Variants in RAB38 observed in about 807,000 individuals in gnomAD.
RAB38 encodes the protein ras-related protein Rab-38.
A neutral mutation model predicts 18.4 loss-of-function variants in RAB38; 15 were observed. The ratio of observed to expected loss-of-function variants is 0.82; its 90% CI spans 0.55 to 1.26. RAB38 has a LOEUF of 1.26. Among genes scored for constraint, RAB38 ranks in the 50% most tolerant of loss-of-function variants. The probability of loss-of-function intolerance (pLI) is 0.00; values close to 1 mark genes in which losing one functional copy is unlikely to be tolerated. For missense variants in RAB38, 294 were observed against 267.4 expected, an observed-to-expected ratio of 1.10 and a Z score of -0.69; for synonymous variants, 101 against 104.4, an observed-to-expected ratio of 0.97 and a Z score of 0.20.
chr11:87,810,931 C>T, the RAB38 span, among the ~76,000 whole-genome samples: 3 of 151,980 alleles, frequency 2.0e-5, no homozygotes, highest in South Asian at 4.2e-4. Flanking sequence ...GAGATTGAGG[C>T]GAGTTTCAGA....
the RAB38 span, among the ~76,000 whole-genome samples, chr11:88,102,832 G>A: frequency 0.1 from 15,298 of 151,946 alleles, 1,250 homozygotes; most frequent in East Asian, 0.4. Context: ...TACCTAACAA[G>A]CATTTACAGC....
the RAB38 span, among the ~76,000 whole-genome samples, chr11:87,876,612 A>G: frequency 6.6e-6 from 1 of 151,472 alleles, no homozygotes; most frequent in Non-Finnish European, 1.5e-5. Context: ...GCCTAGTTTG[A>G]GTCTATGTCT....
At chr11:88,136,919 T>C (rs1413264163) in intron 2 of RAB38, among the ~76,000 whole-genome samples, 1 of 152,222 alleles carries the variant, frequency 6.6e-6, no homozygotes, top group Non-Finnish European at 1.5e-5. Context: ...TTCTGGTTTA[T>C]CTTCTGAATA....
chr11:87,953,303 A>G, the RAB38 span, among the ~76,000 whole-genome samples: 2 of 152,160 alleles, frequency 1.3e-5, no homozygotes, highest in African/African-American at 2.4e-5. Flanking sequence ...AGTAGTGATG[A>G]ATGTATAAGG....
chr11:87,953,161 G>A, the RAB38 span, among the ~76,000 whole-genome samples: 1 of 152,096 alleles, frequency 6.6e-6, no homozygotes, highest in Non-Finnish European at 1.5e-5. Context: ...AGGACTGGAG[G>A]TATAATAATA....
chr11:87,807,431 C>T, the RAB38 span, among the ~76,000 whole-genome samples: 1 of 152,148 alleles, frequency 6.6e-6, no homozygotes, highest in Non-Finnish European at 1.5e-5. Context: ...TGGCTTTGTT[C>T]TTTATGGCTG....
the RAB38 span, among the ~76,000 whole-genome samples, chr11:88,022,898 G>T: frequency 6.6e-6 from 1 of 152,188 alleles, no homozygotes; most frequent in South Asian, 2.1e-4. Context: ...ATTTTGGGGG[G>T]AACAGAAAAA....
the RAB38 span, among the ~76,000 whole-genome samples, chr11:87,906,910 T>C: frequency 6.6e-6 from 1 of 151,960 alleles, no homozygotes; most frequent in East Asian, 1.9e-4. Context: ...TCATATTCAT[T>C]GGTATAAATG....
chr11:88,095,076 T>G, the RAB38 span, among the ~76,000 whole-genome samples: 135 of 151,976 alleles, frequency 8.9e-4, no homozygotes, highest in African/African-American at 3.2e-3. Flanking sequence ...ACCTTTCTTT[T>G]TTCTTGCACC....
the RAB38 span, among the ~76,000 whole-genome samples, chr11:88,078,501 A>ATGTGTGTGTGTGTGTGTGTGTGTG: frequency 1.5e-4 from 23 of 148,794 alleles, no homozygotes; most frequent in African/African-American, 5.5e-4. Context: ...GTGTGTATAT[A>ATGTGTGTGTGTGTGTGTGTGTGTG]TGTGTGTGTG....
the RAB38 span, among the ~76,000 whole-genome samples, chr11:87,950,745 A>C: frequency 6.6e-6 from 1 of 151,786 alleles, no homozygotes; most frequent in Non-Finnish European, 1.5e-5. Context: ...GAGTTTCTGC[A>C]GAGAGATCAG....
At chr11:88,121,285 C>T (rs1418039588) in intron 2 of RAB38, among the ~76,000 whole-genome samples, 2 of 152,164 alleles carry the variant, frequency 1.3e-5, no homozygotes, top group Non-Finnish European at 2.9e-5. Context: ...TATGAGGTAT[C>T]TAAACAGTAA....
chr11:88,046,175 T>C, the RAB38 span, among the ~76,000 whole-genome samples: 1 of 152,052 alleles, frequency 6.6e-6, no homozygotes, highest in South Asian at 2.1e-4. Context: ...AAGGCCAATA[T>C]CCCATCCCGC....
At chr11:87,840,692 G>C in the RAB38 span, among the ~76,000 whole-genome samples, 3 of 152,168 alleles carry the variant, frequency 2.0e-5, no homozygotes, top group African/African-American at 7.2e-5. Context: ...GTGTTGAAAT[G>C]ACATTACCAT....
chr11:87,886,302 C>T, the RAB38 span, among the ~76,000 whole-genome samples: 12 of 150,124 alleles, frequency 8.0e-5, no homozygotes, highest in East Asian at 2.0e-4. Flanking sequence ...GGGGAAAAAA[C>T]GGACTATGTT....
the RAB38 span, among the ~76,000 whole-genome samples, chr11:88,084,101 G>A: frequency 2.0e-5 from 3 of 151,896 alleles, no homozygotes; most frequent in African/African-American, 7.2e-5. Context: ...AGAGGAAGGT[G>A]CAGAGGAAGT....
chr11:88,116,987 C>T (rs1013845732), intron 2 of RAB38, among the ~76,000 whole-genome samples: 1 of 152,238 alleles, frequency 6.6e-6, no homozygotes, highest in African/African-American at 2.4e-5. Context: ...GGCAACCTAG[C>T]AGGGTCATTT....
At chr11:87,884,666 C>T in the RAB38 span, among the ~76,000 whole-genome samples, 1 of 151,910 alleles carries the variant, frequency 6.6e-6, no homozygotes, top group African/African-American at 2.4e-5. Flanking sequence ...AAGCCAAAGA[C>T]AATGTCCCTG....
At chr11:88,147,794 G>A (rs1441573384) in intron 2 of RAB38, among the ~76,000 whole-genome samples, 2 of 152,086 alleles carry the variant, frequency 1.3e-5, no homozygotes, top group Non-Finnish European at 2.9e-5. Context: ...TCAGGAGGCT[G>A]AGGCAGGAGA....
Sources: allele counts gnomAD v4.1 joint callset (sites outside exome capture counted in the v4.1 genomes callset), GRCh38; gene constraint gnomAD v4.1.1; transcripts MANE v1.5; gene names NCBI Gene and HGNC (gene_info 2026-07-23, HGNC 2026-07-21).